IL1RAPL1: variants seen among roughly 807,000 people sequenced by gnomAD.
IL1RAPL1 encodes the protein interleukin-1 receptor accessory protein-like 1.
In IL1RAPL1, 3 loss-of-function variants were observed where a neutral mutation model predicts 48.4. The observed-to-expected ratio is 0.06, with a 90% CI of 0.03 to 0.16. The LOEUF (loss-of-function observed/expected upper bound fraction) is 0.16. IL1RAPL1 is among the 10% of genes least tolerant of loss of function. The pLI is 1.00. For synonymous variants in IL1RAPL1, 185 were observed against 187.7 expected, an observed-to-expected ratio of 0.99 and a Z score of 0.12; for missense variants, 349 against 530.6, an observed-to-expected ratio of 0.66 and a Z score of 3.36.
At chrX:28,776,262 G>C (rs768776264) in intron 1 of IL1RAPL1, among the ~76,000 whole-genome samples, 6 of 111,584 alleles carry the variant, frequency 5.4e-5, no homozygotes, top group Non-Finnish European at 1.1e-4. Context: ...TTCTAGATGT[G>C]GTGGGAAGAA....
At chrX:28,961,862 G>A (rs1924787349) in intron 2 of IL1RAPL1, among the ~76,000 whole-genome samples, 1 of 111,519 alleles carries the variant, frequency 9.0e-6, no homozygotes, top group African/African-American at 3.3e-5. Context: ...AGAAATATTG[G>A]TCTAGATAAA....
At chrX:28,915,255 A>C (rs1444275664) in intron 2 of IL1RAPL1, among the ~76,000 whole-genome samples, 1 of 111,395 alleles carries the variant, frequency 9.0e-6, no homozygotes, top group Non-Finnish European at 1.9e-5. Context: ...CCCAGTTCCT[A>C]ATAGGCCATA....
chrX:29,322,514 C>G (rs1286253386), intron 3 of IL1RAPL1, among the ~76,000 whole-genome samples: 2 of 112,207 alleles, frequency 1.8e-5, no homozygotes, highest in African/African-American at 6.5e-5. Context: ...TTCTGTCTGC[C>G]TCAGCCTCCC....
intron 1 of IL1RAPL1, among the ~76,000 whole-genome samples, chrX:28,667,524 G>C (rs1934895103): frequency 1.8e-5 from 2 of 111,705 alleles, no homozygotes; most frequent in South Asian, 7.5e-4. Flanking sequence ...ACACATTTTT[G>C]TCTGTTCGCC....
intron 5 of IL1RAPL1, among the ~76,000 whole-genome samples, chrX:29,519,862 C>G (rs1935485102): frequency 9.0e-6 from 1 of 111,580 alleles, no homozygotes; most frequent in African/African-American, 3.3e-5. Flanking sequence ...AGGGTTGATT[C>G]CCGGTTGCTC....
At chrX:29,287,976 A>G (rs2147602977) in intron 3 of IL1RAPL1, among the ~76,000 whole-genome samples, 1 of 111,658 alleles carries the variant, frequency 9.0e-6, no homozygotes, top group South Asian at 3.7e-4. Flanking sequence ...AATTCTGCCA[A>G]GTGCTAAGTC....
intron 2 of IL1RAPL1, among the ~76,000 whole-genome samples, chrX:28,847,379 T>A (rs1026700352): frequency 1.8e-5 from 2 of 111,287 alleles, no homozygotes; most frequent in Non-Finnish European, 1.9e-5. Flanking sequence ...TTTAACTGTT[T>A]TATTCTGAAT....
rs193234295 is a variant in IL1RAPL1, at chrX:29,784,550, G to T, written c.778+116046G>T. ...TTATTGTAGGAGTAGCAAAAAATAAGATTGTACTTTTGAAGACTATATGTG... is the reference window on the plus strand; with the variant it reads ...TTATTGTAGGAGTAGCAAAAAATAATATTGTACTTTTGAAGACTATATGTG... On this transcript the variant is annotated intron_variant, in intron 6 of 10. Transcript: ENST00000378993. 1.2e-3 allele frequency among the ~76,000 whole-genome samples: 130 copies of T among 111,526 alleles called. 1 individual carries two copies. Among genetic ancestry groups the T allele is most frequent in the African/African-American group, 4.1e-3 (127 of 30,777 alleles).
chrX:29,131,430 GA>G (rs1256868143), intron 2 of IL1RAPL1, among the ~76,000 whole-genome samples: 1 of 110,423 alleles, frequency 9.1e-6, no homozygotes, highest in Non-Finnish European at 1.9e-5. Flanking sequence ...CTAAAGTATA[GA>G]GGGGGGTATT....
intron 3 of IL1RAPL1, among the ~76,000 whole-genome samples, chrX:29,355,147 C>T (rs905009087): frequency 8.9e-6 from 1 of 111,971 alleles, no homozygotes; most frequent in African/African-American, 3.2e-5. Context: ...TGAAAATTTA[C>T]GTTATAAGTG....
intron 5 of IL1RAPL1, among the ~76,000 whole-genome samples, chrX:29,614,593 C>T (rs1260000833): frequency 8.9e-6 from 1 of 111,765 alleles, no homozygotes; most frequent in Non-Finnish European, 1.9e-5. Context: ...ACCAGCAAGA[C>T]TTACCTTCTT....
intron 2 of IL1RAPL1, among the ~76,000 whole-genome samples, chrX:28,918,919 G>C (rs1290296257): frequency 9.0e-6 from 1 of 111,463 alleles, no homozygotes; most frequent in Non-Finnish European, 1.9e-5. Context: ...AGAAGCCACT[G>C]AAAGGTTTTT....
At chrX:29,284,640 G>T (rs1024553148) in intron 3 of IL1RAPL1, among the ~76,000 whole-genome samples, 3 of 111,943 alleles carry the variant, frequency 2.7e-5, no homozygotes, top group African/African-American at 9.7e-5. Context: ...AGCTACTTGG[G>T]AGGCTGAGGC....
intron 6 of IL1RAPL1, among the ~76,000 whole-genome samples, chrX:29,726,953 C>T (rs1601797348): frequency 8.9e-6 from 1 of 112,183 alleles, no homozygotes; most frequent in African/African-American, 3.2e-5. Flanking sequence ...GTGCCTTTGA[C>T]GTCTGTCAAA....
intron 5 of IL1RAPL1, among the ~76,000 whole-genome samples, chrX:29,513,762 T>A (rs1935418016): frequency 1.8e-5 from 2 of 112,182 alleles, no homozygotes; most frequent in South Asian, 7.3e-4. Context: ...TATTTTAGAA[T>A]AGCTGGAACT....
intron 3 of IL1RAPL1, among the ~76,000 whole-genome samples, chrX:29,371,114 T>C (rs1173083982): frequency 9.8e-6 from 1 of 102,302 alleles, no homozygotes; most frequent in Non-Finnish European, 2.0e-5. Context: ...TTATTTCTCC[T>C]ATCTAAATGT....
chrX:28,870,092 T>G (rs143384321), intron 2 of IL1RAPL1, among the ~76,000 whole-genome samples: 153 of 111,944 alleles, frequency 1.4e-3, no homozygotes, highest in Non-Finnish European at 2.2e-3. Flanking sequence ...CCATGTTTTA[T>G]TATCCATATT....
intron 1 of IL1RAPL1, among the ~76,000 whole-genome samples, chrX:28,738,020 A>G (rs891628741): frequency 1.8e-5 from 2 of 111,063 alleles, no homozygotes; most frequent in African/African-American, 6.7e-5. Context: ...AAAAAAGGGG[A>G]AAAAAGAAGG....
At chrX:28,708,320 T>C (rs185974519) in intron 1 of IL1RAPL1, among the ~76,000 whole-genome samples, 1 of 108,912 alleles carries the variant, frequency 9.2e-6, no homozygotes, top group East Asian at 2.8e-4. Context: ...TTTGCTGATG[T>C]CCTTAGGGCA....
Sources: gnomAD v4.1 joint callset for allele counts (sites outside exome capture counted in the v4.1 genomes callset) on GRCh38, gnomAD v4.1.1 for gene constraint, MANE v1.5 for transcripts, NCBI Gene and HGNC (gene_info 2026-07-23, HGNC 2026-07-21) for gene names.